Variants in NF2 observed in about 807,000 individuals in gnomAD.
NF2 encodes the protein NF2, moesin-ezrin-radixin like (MERLIN) tumor suppressor.
Under a neutral mutation model 83.7 loss-of-function variants are expected in NF2, and 8 were observed. The ratio of observed to expected loss-of-function variants is 0.10; its 90% CI spans 0.06 to 0.17. The LOEUF (loss-of-function observed/expected upper bound fraction) is 0.17, where lower values mean the gene tolerates loss of function less well. NF2 is among the 10% of genes least tolerant of loss of function. The pLI is 1.00. For missense variants in NF2, 533 were observed against 744.4 expected (o/e 0.72, Z 3.31); for synonymous variants, 266 against 269.6 (o/e 0.99, Z 0.13).
At chr22:29,648,004 G>A (rs1569289016) in intron 4 of NF2, among the ~76,000 whole-genome samples, 1 of 152,076 alleles carries the variant, frequency 6.6e-6, no homozygotes, top group Non-Finnish European at 1.5e-5. Context: ...AGTGGTGGGC[G>A]CCTGTAGTCC....
chr22:29,691,780 G>T (rs1184083665), intron 15 of NF2, among the ~76,000 whole-genome samples: 2 of 152,216 alleles, frequency 1.3e-5, no homozygotes, highest in Non-Finnish European at 2.9e-5. Flanking sequence ...CCGCGGGGTG[G>T]CTTCCCAAGC....
In NF2 at chr22:29,639,176, G is replaced by A. The variant is rs2146872176; in HGVS notation, c.327G>A (p.Leu109=). Residue 109 remains leucine, a synonymous_variant, in exon 3 of 16, where the codon CTG becomes CTA. Transcript: ENST00000338641. ...ATCCTGAGAATGCTGAAGAGGAGCTGGTTCAGGAGATCACACAACATTTAT... is the reference window on the plus strand; with the variant it reads ...ATCCTGAGAATGCTGAAGAGGAGCTAGTTCAGGAGATCACACAACATTTAT... The part of the protein sequence containing the change: ...KFYPENAEEE[L]VQEITQHLFF... 1 of 1,614,146 alleles carries A rather than the reference G, an allele frequency of 6.2e-7. No homozygotes were observed. The highest frequency in any genetic ancestry group is 8.5e-7 in the Non-Finnish European group (1 of 1,180,006).
intron 4 of NF2, among the ~76,000 whole-genome samples, chr22:29,649,876 G>T (rs894099281): frequency 6.6e-6 from 1 of 151,378 alleles, no homozygotes; most frequent in African/African-American, 2.4e-5. Flanking sequence ...ATAACTACAA[G>T]AACATAATTG....
chr22:29,670,198 A>T (rs1163959530), intron 10 of NF2, among the ~76,000 whole-genome samples: 1 of 152,064 alleles, frequency 6.6e-6, no homozygotes, highest in East Asian at 1.9e-4. Context: ...AGGTCTTGCT[A>T]TGTTACCCAG....
At chr22:29,652,807 C>T (rs1344977406) in intron 4 of NF2, among the ~76,000 whole-genome samples, 1 of 152,242 alleles carries the variant, frequency 6.6e-6, no homozygotes, top group Non-Finnish European at 1.5e-5. Context: ...CCTCACTCTA[C>T]AGCTGCCTTG....
At chr22:29,608,670 G>A (rs1456528737) in intron 1 of NF2, among the ~76,000 whole-genome samples, 2 of 145,668 alleles carry the variant, frequency 1.4e-5, no homozygotes, top group African/African-American at 5.1e-5. Context: ...CTCCATCCCT[G>A]CCCTGAAAAA....
intron 1 of NF2, among the ~76,000 whole-genome samples, chr22:29,634,836 G>T (rs759697565): frequency 6.6e-6 from 1 of 152,152 alleles, no homozygotes; most frequent in Non-Finnish European, 1.5e-5. Flanking sequence ...TTGTCCTATT[G>T]TCAGACTGGG....
chr22:29,632,217 C>T (rs2065532448), intron 1 of NF2, among the ~76,000 whole-genome samples: 1 of 152,112 alleles, frequency 6.6e-6, no homozygotes, highest in African/African-American at 2.4e-5. Flanking sequence ...TATCCTCCAG[C>T]CAGACTGAAC....
At chr22:29,646,923 C>G (rs2065998730) in intron 4 of NF2, among the ~76,000 whole-genome samples, 2 of 151,488 alleles carry the variant, frequency 1.3e-5, no homozygotes, top group South Asian at 4.2e-4. Flanking sequence ...GTAGTCCCAG[C>G]TACTTGGGAG....
At chr22:29,678,777 C>T (rs544875944) in intron 14 of NF2, among the ~76,000 whole-genome samples, 1 of 152,358 alleles carries the variant, frequency 6.6e-6, no homozygotes, top group African/African-American at 2.4e-5. Context: ...CTAAGGAAAG[C>T]TGACAGCTGG....
chr22:29,689,173 G>A (rs376127593), intron 15 of NF2, among the ~76,000 whole-genome samples: 199 of 66,660 alleles, frequency 3.0e-3, no homozygotes, highest in African/African-American at 0.016. Flanking sequence ...GTGAGACTCC[G>A]TCTCAAAAAA....
chr22:29,665,613 G>T (rs2066598550), intron 9 of NF2, among the ~76,000 whole-genome samples: 1 of 152,010 alleles, frequency 6.6e-6, no homozygotes, highest in South Asian at 2.1e-4. Flanking sequence ...TGTAACATAT[G>T]AATTATAAAG....
At chr22:29,643,562 C>A (rs1419036352) in intron 4 of NF2, among the ~76,000 whole-genome samples, 1 of 152,172 alleles carries the variant, frequency 6.6e-6, no homozygotes, top group Non-Finnish European at 1.5e-5. Flanking sequence ...ATCCATTTAA[C>A]CCTGAGTGGA....
rs2146849926 is a variant in NF2, at chr22:29,636,670, C to T, written c.115-81C>T. 1 of 1,591,466 alleles carries T rather than the reference C, an allele frequency of 6.3e-7. No individual in the cohort carries two copies. The highest frequency in any genetic ancestry group is 8.6e-7 in the Non-Finnish European group (1 of 1,160,118). On this transcript the variant is annotated intron_variant, in intron 1 of 15. Transcript: ENST00000338641. The surrounding 1 kb of genome is among the most constrained non-coding windows in gnomAD (Gnocchi z 4.4). ...TAGTGTCATCCCCACGTTTTGGAAC[C>T]TGAGAGTGGAGAGTGCAGAGAAAAG...
chr22:29,671,154 T>C (rs955304045), intron 10 of NF2, among the ~76,000 whole-genome samples: 3 of 152,110 alleles, frequency 2.0e-5, no homozygotes, highest in African/African-American at 7.2e-5. Context: ...TTGCATCCCA[T>C]CGGCCATGGG....
chr22:29,687,705 T>G (rs542987860), intron 15 of NF2, among the ~76,000 whole-genome samples: 1 of 152,242 alleles, frequency 6.6e-6, no homozygotes, highest in East Asian at 1.9e-4. Flanking sequence ...ATCTTGGCCT[T>G]GACATAAAAG....
intron 1 of NF2, among the ~76,000 whole-genome samples, chr22:29,616,367 C>T (rs964737167): frequency 3.9e-5 from 6 of 152,034 alleles, no homozygotes; most frequent in Non-Finnish European, 8.8e-5. Context: ...AAAATGTAAA[C>T]AATGGGCATG....
chr22:29,623,004 G>A (rs1463064698), intron 1 of NF2, among the ~76,000 whole-genome samples: 3 of 137,432 alleles, frequency 2.2e-5, no homozygotes, highest in Non-Finnish European at 4.6e-5. Flanking sequence ...AGACTGGAGT[G>A]CAGTGGTGCT....
At chr22:29,641,295 T>C (rs1323447269) in intron 3 of NF2, among the ~76,000 whole-genome samples, 1 of 152,222 alleles carries the variant, frequency 6.6e-6, no homozygotes, top group Non-Finnish European at 1.5e-5. Context: ...CTAAGAAGAA[T>C]TTTTGTGTTT....
Sources: gnomAD v4.1 joint callset for allele counts (sites outside exome capture counted in the v4.1 genomes callset) on GRCh38, gnomAD v4.1.1 for gene constraint, Gnocchi (gnomAD v3.1) non-coding constraint, MANE v1.5 for transcripts, NCBI Gene and HGNC (gene_info 2026-07-23, HGNC 2026-07-21) for gene names.